The following ITIH5 variants were observed in gnomAD, a reference collection of about 807,000 sequenced individuals.
ITIH5 encodes inter-alpha-trypsin inhibitor heavy chain 5, also known as inter-alpha-trypsin inhibitor heavy chain H5.
In ITIH5, 65 loss-of-function variants were observed where a neutral mutation model predicts 77.5. That is an observed-to-expected ratio of 0.84 (90% CI 0.69 to 1.03). The LOEUF (loss-of-function observed/expected upper bound fraction) is 1.03, where lower values mean the gene tolerates loss of function less well. Among genes scored for constraint, ITIH5 ranks in the 50% least tolerant of loss-of-function variants. The pLI is 0.00. For synonymous variants in ITIH5, 525 were observed against 494.3 expected (o/e 1.06, Z -0.82); for missense variants, 1,208 against 1,213.1 (o/e 1.00, Z 0.06).
Position 7,637,298 on chromosome 10 carries a change from G to T in ITIH5, c.582C>A (p.Ser194Arg), listed in dbSNP as rs770683255. 7 of 1,613,224 alleles carry T rather than the reference G, an allele frequency of 4.3e-6. No homozygotes were observed. Among genetic ancestry groups the T allele is most frequent in the Admixed American group, 1.7e-5 (1 of 60,028 alleles). ...GCACCTCCAGGGATGCGATGCCCGC[G>T]CTCTCCAGGATATTCACGTCCACGC... ...RLSVDVNILE[S>R]AGIASLEVLP... The change falls in exon 5 of 14, where the codon AGC becomes AGA. Residue 194 changes from serine (S) to arginine (R), a missense_variant. Coordinates refer to ENST00000397146, the MANE Select transcript of ITIH5 (RefSeq NM_030569.7).
chr10:7,611,002 T>C (rs1051007882), intron 7 of ITIH5, among the ~76,000 whole-genome samples: 3 of 152,268 alleles, frequency 2.0e-5, no homozygotes, highest in African/African-American at 7.2e-5. Context: ...AATCCCTGCC[T>C]TCTGCAATGC....
At chr10:7,638,809 A>T (rs988306945) in intron 4 of ITIH5, among the ~76,000 whole-genome samples, 2 of 152,244 alleles carry the variant, frequency 1.3e-5, no homozygotes, top group Admixed American at 1.3e-4. Flanking sequence ...ATGTTTTAAA[A>T]GCTCTGAAAT....
intron 1 of ITIH5, among the ~76,000 whole-genome samples, chr10:7,658,436 C>T (rs780717569): frequency 2.6e-4 from 40 of 152,208 alleles, no homozygotes; most frequent in Non-Finnish European, 4.1e-4. Context: ...AAGTAAGAAC[C>T]TATTGATGAA....
chr10:7,563,033 C>T lies in ITIH5; in HGVS notation c.*50G>A. On this transcript the variant is annotated 3_prime_UTR_variant, in exon 14 of 14. Coordinates refer to ENST00000397146, the MANE Select transcript of ITIH5 (RefSeq NM_030569.7). ...GCCATGAAAAGAGCTGCCCCACGGCCTCCCCACATCACTGTCCTTCATGCA... is the reference window on the plus strand; with the variant it reads ...GCCATGAAAAGAGCTGCCCCACGGCTTCCCCACATCACTGTCCTTCATGCA... The T allele has an allele frequency of 1.3e-6, 2 of 1,550,784 alleles. No homozygotes were observed. Among genetic ancestry groups the T allele is most frequent in the Non-Finnish European group, 1.8e-6 (2 of 1,122,324 alleles).
chr10:7,584,759 A>G (rs1832639174), intron 8 of ITIH5, among the ~76,000 whole-genome samples: 1 of 152,216 alleles, frequency 6.6e-6, no homozygotes, highest in Non-Finnish European at 1.5e-5. Flanking sequence ...TGGAGGTAGG[A>G]GCTATGTAAA....
At chr10:7,606,130 G>C (rs1833120895) in intron 7 of ITIH5, among the ~76,000 whole-genome samples, 1 of 152,186 alleles carries the variant, frequency 6.6e-6, no homozygotes, top group Non-Finnish European at 1.5e-5. Context: ...GCAGAGAAAA[G>C]GGAATGCTTA....
At chr10:7,602,372 G>A (rs574632445) in intron 7 of ITIH5, among the ~76,000 whole-genome samples, 3 of 152,238 alleles carry the variant, frequency 2.0e-5, no homozygotes, top group South Asian at 2.1e-4. Context: ...GTCCCCACCC[G>A]AATCTCACCT....
At chr10:7,655,529 T>C in intron 2 of ITIH5, 102 bp downstream of exon 2, 1 of 919,138 alleles carries the variant, frequency 1.1e-6, no homozygotes, top group South Asian at 1.5e-5. Context: ...TACAAGCAAC[T>C]TTATATGTTT....
Position 7,562,698 on chromosome 10 carries a change from C to A in ITIH5, c.*385G>T. On this transcript the variant is annotated 3_prime_UTR_variant, in exon 14 of 14. Transcript: ENST00000397146. ...AGTGCCTAAACTTGTCCATTTCCAC[C>A]AAGAAAAAAAGTTTCATAGCAACCT... 1.4e-5 allele frequency: 3 copies of A among 210,724 alleles called. No individual in the cohort carries two copies. The highest frequency in any genetic ancestry group is 1.1e-4 in the East Asian group (1 of 8,910). The allele number at this position is 210,724 out of a possible 1,614,324, so 13.1% of individuals were successfully genotyped here.
chr10:7,637,705 G>A (rs985527647), intron 4 of ITIH5, among the ~76,000 whole-genome samples: 1 of 152,152 alleles, frequency 6.6e-6, no homozygotes, highest in Non-Finnish European at 1.5e-5. Flanking sequence ...GACCAGGAGA[G>A]GATTCTAAGA....
intron 7 of ITIH5, among the ~76,000 whole-genome samples, chr10:7,598,701 T>C (rs10795556): frequency 0.63 from 95,757 of 152,016 alleles, 32,234 homozygotes; most frequent in Non-Finnish European, 0.73. Flanking sequence ...TATGTAAAAA[T>C]ATAAACAAAT....
intron 11 of ITIH5, 40 bp from the exon 12 acceptor site, chr10:7,569,824 C>A (rs1265064786): frequency 4.0e-6 from 5 of 1,248,298 alleles, no homozygotes; most frequent in Non-Finnish European, 3.4e-6. Context: ...AAGAAAGACA[C>A]TTATTCAGTA....
chr10:7,612,391 T>C (rs540712137), intron 7 of ITIH5, among the ~76,000 whole-genome samples: 4 of 152,352 alleles, frequency 2.6e-5, no homozygotes, highest in Admixed American at 6.5e-5. Flanking sequence ...GGCTATTGTA[T>C]TGGACAGCAC....
intron 7 of ITIH5, among the ~76,000 whole-genome samples, chr10:7,604,021 TGGTGCCAC>T (rs1833071618): frequency 6.6e-6 from 1 of 152,192 alleles, no homozygotes; most frequent in South Asian, 2.1e-4. Context: ...CAGCATAAGT[TGGTGCCAC>T]GGCCCTGCAG....
chr10:7,633,066 C>G (rs535181796), intron 5 of ITIH5, among the ~76,000 whole-genome samples: 11 of 152,300 alleles, frequency 7.2e-5, no homozygotes, highest in Non-Finnish European at 1.3e-4. Context: ...CTTCAGAAAT[C>G]ACACATCCCA....
Position 7,616,104 on chromosome 10 carries a change from G to A in ITIH5, c.823-6C>T, listed in dbSNP as rs761205619. ...ACAAAATAGCCATTTAGAACCTGGTGGAGGGAAAAGAAAGTAAAAACGGTA... is the reference window on the plus strand; with the variant it reads ...ACAAAATAGCCATTTAGAACCTGGTAGAGGGAAAAGAAAGTAAAAACGGTA... On this transcript the variant is annotated splice_polypyrimidine_tract_variant and splice_region_variant and intron_variant, in intron 6 of 13. Coordinates refer to ENST00000397146, the MANE Select transcript of ITIH5 (RefSeq NM_030569.7). The A allele has an allele frequency of 1.3e-6, 2 of 1,545,234 alleles. No homozygotes were observed. Among genetic ancestry groups the A allele is most frequent in the Admixed American group, 3.3e-5 (2 of 59,890 alleles).
intron 13 of ITIH5, among the ~76,000 whole-genome samples, chr10:7,564,083 C>A (rs1182858707): frequency 6.6e-6 from 1 of 152,266 alleles, no homozygotes; most frequent in East Asian, 1.9e-4. Flanking sequence ...GGGTGCCCCC[C>A]CGGTGGGGGT....
At chr10:7,640,386 A>C (rs1428751828) in intron 4 of ITIH5, among the ~76,000 whole-genome samples, 1 of 151,582 alleles carries the variant, frequency 6.6e-6, no homozygotes, top group Non-Finnish European at 1.5e-5. Context: ...CTGAGGTGGA[A>C]GGATCACTTG....
At chr10:7,651,513 C>T (rs1390780391) in intron 2 of ITIH5, among the ~76,000 whole-genome samples, 4 of 152,050 alleles carry the variant, frequency 2.6e-5, no homozygotes, top group Admixed American at 2.0e-4. Context: ...GAGACTGAGG[C>T]GCAAGACTCA....
Sources: gnomAD v4.1 joint callset for allele counts (sites outside exome capture counted in the v4.1 genomes callset) on GRCh38, gnomAD v4.1.1 for gene constraint, MANE v1.5 for transcripts, NCBI Gene and HGNC (gene_info 2026-07-23, HGNC 2026-07-21) for gene names.